CDK6: variants seen among roughly 807,000 people sequenced by gnomAD.
The protein encoded by CDK6 is cyclin dependent kinase 6, also known as cyclin-dependent kinase 6.
A neutral mutation model predicts 37.1 loss-of-function variants in CDK6; 6 were observed. That is an observed-to-expected ratio of 0.16 (90% confidence interval 0.09 to 0.32). The LOEUF (loss-of-function observed/expected upper bound fraction) is 0.32. Among genes scored for constraint, CDK6 ranks in the 10% least tolerant of loss-of-function variants. The pLI, the probability that CDK6 is intolerant of heterozygous loss-of-function variation, is 1.00. For synonymous variants in CDK6, 160 were observed against 161.3 expected (o/e 0.99, Z 0.06); for missense variants, 224 against 418.9 (o/e 0.53, Z 4.06).
chr7:92,719,226 T>C (rs753981766), intron 4 of CDK6, among the ~76,000 whole-genome samples: 1 of 152,170 alleles, frequency 6.6e-6, no homozygotes, highest in African/African-American at 2.4e-5. Flanking sequence ...ACACAGACCA[T>C]CCCATCACCT....
intron 4 of CDK6, among the ~76,000 whole-genome samples, chr7:92,681,387 T>C (rs1050967219): frequency 4.6e-5 from 7 of 152,062 alleles, no homozygotes; most frequent in African/African-American, 1.7e-4. Flanking sequence ...CCAGCAAAGG[T>C]AGAATTCAGG....
intron 3 of CDK6, among the ~76,000 whole-genome samples, chr7:92,747,657 C>G (rs1261701648): frequency 6.6e-6 from 1 of 152,186 alleles, no homozygotes; most frequent in Non-Finnish European, 1.5e-5. Flanking sequence ...GGAAGCCAGT[C>G]CTTATTTTTC....
chr7:92,808,925 T>A (rs571304602), intron 2 of CDK6, among the ~76,000 whole-genome samples: 1 of 152,298 alleles, frequency 6.6e-6, no homozygotes, highest in African/African-American at 2.4e-5. Context: ...TCTGTAGGAA[T>A]TTTTACTTTT....
chr7:92,779,279 T>C (rs1799927482), intron 2 of CDK6, among the ~76,000 whole-genome samples: 1 of 152,144 alleles, frequency 6.6e-6, no homozygotes, highest in Non-Finnish European at 1.5e-5. Context: ...ATGCTCAAGA[T>C]ACGAAAGGTG....
intron 2 of CDK6, among the ~76,000 whole-genome samples, chr7:92,800,117 C>T (rs1800531690): frequency 1.3e-5 from 2 of 152,094 alleles, no homozygotes; most frequent in African/African-American, 2.4e-5. Context: ...CATATGCAAA[C>T]CTTCCTCTCA....
chr7:92,711,423 A>G (rs1562943312), intron 4 of CDK6, among the ~76,000 whole-genome samples: 2 of 152,116 alleles, frequency 1.3e-5, no homozygotes, highest in African/African-American at 4.8e-5. Flanking sequence ...ACCCATACTG[A>G]GGGTTGTATA....
At chr7:92,678,293 G>A (rs918994047) in intron 4 of CDK6, among the ~76,000 whole-genome samples, 3 of 152,174 alleles carry the variant, frequency 2.0e-5, no homozygotes, top group Non-Finnish European at 2.9e-5. Context: ...TGTCTAGTAA[G>A]CAAAGACAAT....
intron 3 of CDK6, among the ~76,000 whole-genome samples, chr7:92,763,193 A>C (rs1438177064): frequency 1.3e-5 from 2 of 152,246 alleles, no homozygotes; most frequent in African/African-American, 4.8e-5. Flanking sequence ...AATTAGAAGA[A>C]AATTAGATTC....
chr7:92,635,297 T>C (rs1454952583), intron 5 of CDK6, among the ~76,000 whole-genome samples: 3 of 152,190 alleles, frequency 2.0e-5, no homozygotes, highest in African/African-American at 4.8e-5. Flanking sequence ...TAGGGATTTC[T>C]TCAGAACAAG....
intron 4 of CDK6, among the ~76,000 whole-genome samples, chr7:92,691,144 T>C (rs1217169314): frequency 6.6e-6 from 1 of 152,198 alleles, no homozygotes; most frequent in African/African-American, 2.4e-5. Context: ...TTGAAGTTCA[T>C]CAATAATTAC....
intron 4 of CDK6, among the ~76,000 whole-genome samples, chr7:92,698,749 T>C (rs922068296): frequency 6.6e-6 from 1 of 152,350 alleles, no homozygotes; most frequent in Admixed American, 6.5e-5. Context: ...GCACAATCAC[T>C]GGCTTCAGCC....
intron 5 of CDK6, among the ~76,000 whole-genome samples, chr7:92,646,998 A>G (rs1305750647): frequency 6.6e-6 from 1 of 152,244 alleles, no homozygotes; most frequent in Non-Finnish European, 1.5e-5. Context: ...GTGACTGAAG[A>G]GAAACATGGG....
rs1401984506 is a variant in CDK6, at chr7:92,615,229, G to A, written c.892C>T (p.Pro298Ser). Residue 298 changes from proline (P) to serine (S), a missense_variant, in exon 8 of 8, where the codon CCA (proline) becomes TCA (serine). Physicochemically the swap from Pro to Ser is moderately conservative, Grantham distance 74. Around this residue, in one of 5 missense-constraint regions of CDK6, gnomAD observed 90 missense variants for 136.2 expected, o/e 0.66. Coordinates refer to ENST00000424848, the MANE Select transcript of CDK6 (RefSeq NM_001145306.2). ...CACCTTTCCAGGTCCTGGAAGTATG[G>A]GTGAGACAGGGCACTGTAGGCAGAT... is the stretch of plus-strand genomic sequence containing the variant. ...RISAYSALSH[P>S]YFQDLERCKE... The A allele has an allele frequency of 1.2e-6, 2 of 1,613,982 alleles. No homozygotes were observed. Among genetic ancestry groups the A allele is most frequent in the African/African-American group, 2.7e-5 (2 of 74,928 alleles).
rs905374573 is a variant in CDK6, at chr7:92,733,792, T to C, written c.370-7999A>G. 5.3e-5 allele frequency among the ~76,000 whole-genome samples: 8 copies of C among 152,302 alleles called. No homozygotes were observed. The South Asian group carries it at 1.2e-3, about 24-fold the overall frequency. ...TTAATTATTAAATATTTAGAGTAAA[T>C]TTTAACATCTGCAGGGAAAGTTTTC... is the stretch of plus-strand genomic sequence containing the variant. On this transcript the variant is annotated intron_variant, in intron 3 of 7. Transcript: ENST00000424848.
intron 4 of CDK6, among the ~76,000 whole-genome samples, chr7:92,717,290 T>C (rs1585424311): frequency 6.6e-6 from 1 of 151,172 alleles, no homozygotes. Context: ...TGCACTAAGC[T>C]ATGACTGTGC....
At chr7:92,795,803 T>C (rs1057005787) in intron 2 of CDK6, among the ~76,000 whole-genome samples, 9 of 152,288 alleles carry the variant, frequency 5.9e-5, no homozygotes, top group African/African-American at 1.4e-4. Context: ...CAGAATTTTA[T>C]AGATTTTTAC....
intron 5 of CDK6, among the ~76,000 whole-genome samples, chr7:92,631,995 A>T (rs991186669): frequency 6.6e-6 from 1 of 152,104 alleles, no homozygotes; most frequent in African/African-American, 2.4e-5. Flanking sequence ...TACTACATAC[A>T]TTACGGTAAC....
chr7:92,693,035 T>C (rs1318878931), intron 4 of CDK6, among the ~76,000 whole-genome samples: 2 of 152,196 alleles, frequency 1.3e-5, no homozygotes, highest in Non-Finnish European at 2.9e-5. Flanking sequence ...TCTTGTACCC[T>C]TCTCAGTTGG....
At chr7:92,767,406 T>C (rs749316892) in intron 3 of CDK6, among the ~76,000 whole-genome samples, 9 of 152,080 alleles carry the variant, frequency 5.9e-5, no homozygotes, top group Non-Finnish European at 1.2e-4. Flanking sequence ...GGGAAACAAA[T>C]GGAAATTATT....
Sources: allele counts gnomAD v4.1 joint callset (sites outside exome capture counted in the v4.1 genomes callset), GRCh38; gene constraint gnomAD v4.1.1; regional missense constraint gnomAD v4.1.1; transcripts MANE v1.5; gene names NCBI Gene and HGNC (gene_info 2026-07-23, HGNC 2026-07-21).